Variants in GNA15 observed in about 807,000 individuals in gnomAD.
GNA15 encodes the protein G protein subunit alpha 15, also known as guanine nucleotide-binding protein subunit alpha-15.
GNA15 carries 23 observed loss-of-function variants against 40.1 expected under a neutral mutation model. That is an observed-to-expected ratio of 0.57 (90% CI 0.41 to 0.81). GNA15 has a LOEUF of 0.81. GNA15 is among the 40% of genes least tolerant of loss of function. The pLI is 0.00. For missense variants in GNA15, 522 were observed against 515.8 expected (o/e 1.01, Z -0.12); for synonymous variants, 226 against 210.4 (o/e 1.07, Z -0.64).
In GNA15 at chr19:3,155,934, G is replaced by C; in HGVS notation, c.726G>C (p.Leu242=). The C allele has an allele frequency of 1.2e-6, 2 of 1,613,872 alleles. No homozygotes were observed. Among genetic ancestry groups the C allele is most frequent in the Middle Eastern group, 1.7e-4 (1 of 6,060 alleles). ...LASLSEYDQC[L]EENNQENRMK... Reference sequence around the variant, plus strand: ...CACTGAGTGAATACGACCAGTGCCTGGAGGAGAACAACCAGGAGGTGCGCC... The same window carrying C: ...CACTGAGTGAATACGACCAGTGCCTCGAGGAGAACAACCAGGAGGTGCGCC... Residue 242 remains leucine, a synonymous_variant, in exon 5 of 7, where the codon CTG becomes CTC. Coordinates refer to ENST00000262958, the MANE Select transcript of GNA15 (RefSeq NM_002068.4). The surrounding 1 kb of genome is among the most constrained non-coding windows in gnomAD (Gnocchi z 5.6).
Position 3,148,607 on chromosome 19 carries a change from G to C in GNA15, c.162G>C (p.Gly54=). 3 of 1,582,846 alleles carry C rather than the reference G, an allele frequency of 1.9e-6. No homozygotes were observed. Among genetic ancestry groups the C allele is most frequent in the Admixed American group, 3.6e-5 (2 of 55,794 alleles). Residue 54 remains glycine, a synonymous_variant, in exon 2 of 7, where the codon GGG becomes GGC. Transcript: ENST00000262958. ...KLLLLGPGES[G]KSTFIKQMRI... is the part of the protein sequence containing the mutation. ...CATCCCCAGGCCCAGGCGAGAGCGG[G>C]AAGAGCACCTTCATCAAGCAGATGC...
intron 2 of GNA15, 34 bp from the exon 3 acceptor site, chr19:3,150,097 G>A: frequency 6.2e-7 from 1 of 1,601,098 alleles, no homozygotes. Context: ...CACTCAGAAA[G>A]GCTACCCTAA....
At chr19:3,156,160 C>CCA (rs1156475651) in intron 5 of GNA15, among the ~76,000 whole-genome samples, 5 of 107,656 alleles carry the variant, frequency 4.6e-5, no homozygotes, top group African/African-American at 1.9e-4. Flanking sequence ...GGTCAGGACC[C>CCA]CAGACACACA....
At chr19:3,153,547 GGATA>G (rs1914930545) in intron 4 of GNA15, among the ~76,000 whole-genome samples, 1 of 151,810 alleles carries the variant, frequency 6.6e-6, no homozygotes, top group Admixed American at 6.6e-5. Flanking sequence ...GTGGATAGAT[GGATA>G]GATGGGTGGA....
In GNA15 at chr19:3,136,777, GAAGCC is replaced by G. The variant is rs997460342; in HGVS notation, c.145+186_145+190del. On this transcript the variant is annotated intron_variant, in intron 1 of 6. Coordinates refer to ENST00000262958, the MANE Select transcript of GNA15 (RefSeq NM_002068.4). This position sits in a 1 kb window ranked among gnomAD's most constrained non-coding sequence, Gnocchi z 4.9. ...CAGATGAGAAAGACTGAGGTTCAGA[GAAGCC>G]AAGTTCCTTGTCCAACGTGCGACCA... Among the ~76,000 whole-genome samples, 106 of 152,366 alleles carry G rather than the reference GAAGCC, an allele frequency of 7.0e-4. No individual in the cohort carries two copies. The highest frequency in any genetic ancestry group is 2.5e-3 in the African/African-American group (104 of 41,590).
At chr19:3,138,966 G>C (rs10421293) in intron 1 of GNA15, among the ~76,000 whole-genome samples, 1 of 98,322 alleles carries the variant, frequency 1.0e-5, no homozygotes, top group African/African-American at 3.9e-5. Flanking sequence ...TTTTTTTTTA[G>C]ATTGAGTCTT....
rs116448316 is a variant in GNA15 at position 3,145,885 on chromosome 19, A to G, written c.146-2706A>G. 1.9e-3 allele frequency among the ~76,000 whole-genome samples: 288 copies of G among 151,744 alleles called. 1 individual carries two copies. Among genetic ancestry groups the G allele is most frequent in the African/African-American group, 6.8e-3 (280 of 41,408 alleles). On this transcript the variant is annotated intron_variant, in intron 1 of 6. Transcript: ENST00000262958. ...TTTCTTGACTTTGAGCCAAATAGAC[A>G]TGACCCCTGGAGAAACTGAGGACTG...
chr19:3,162,434 G>A lies in GNA15; in HGVS notation c.899-359G>A, dbSNP rs114229799. On this transcript the variant is annotated intron_variant, in intron 6 of 6. Transcript: ENST00000262958. ...CTTCCCCTCGTTTGGCCTTGATGCC[G>A]CCATCTTCACAGTCCTGGGATATTT... 9.4e-3 allele frequency among the ~76,000 whole-genome samples: 1,424 copies of A among 151,834 alleles called. 28 individuals carry two copies. The highest frequency in any genetic ancestry group is 0.033 in the African/African-American group (1,371 of 41,396).
chr19:3,158,357 T>A (rs1915076333), intron 6 of GNA15, among the ~76,000 whole-genome samples: 2 of 152,020 alleles, frequency 1.3e-5, no homozygotes, highest in Non-Finnish European at 2.9e-5. Context: ...TTTCACCATG[T>A]TGACCAGGAT....
At position 3,157,844 on chromosome 19, in the gene GNA15, C is replaced by A. The variant is rs770093189; in HGVS notation, c.861C>A (p.Pro287=). The change falls in exon 6 of 7, where the codon CCC becomes CCA. Residue 287 remains proline, a synonymous_variant. Transcript: ENST00000262958. ...NKTDILEEKI[P]TSHLATYFPS... ...CCGACATCCTGGAGGAGAAAATCCC[C>A]ACCTCCCACCTGGCTACCTATTTCC... The A allele has an allele frequency of 4.3e-6, 7 of 1,613,598 alleles. No individual in the cohort carries two copies. The highest frequency in any genetic ancestry group is 3.3e-5 in the Admixed American group (2 of 60,020).
Position 3,162,720 on chromosome 19 carries a change from G to C in GNA15, c.899-73G>C, listed in dbSNP as rs1055442912. 6.4e-6 allele frequency: 6 copies of C among 934,024 alleles called. No individual in the cohort carries two copies. In the African/African-American group the frequency reaches 8.1e-5, roughly 13 times the overall value. The allele number at this position is 934,024 out of a possible 1,614,324, so 57.9% of individuals were successfully genotyped here. ...GGGTCCCTTCAGTGCTGGTTACAGG[G>C]AAGAGGGTCTCCAGAGGCCCCCTGG... On this transcript the variant is annotated intron_variant, in intron 6 of 6. Coordinates refer to ENST00000262958, the MANE Select transcript of GNA15 (RefSeq NM_002068.4).
At chr19:3,158,650 C>T (rs575059648) in intron 6 of GNA15, among the ~76,000 whole-genome samples, 1 of 152,116 alleles carries the variant, frequency 6.6e-6, no homozygotes, top group Admixed American at 6.5e-5. Context: ...GAGACAGAGT[C>T]TCACTCTGTC....
Position 3,140,044 on chromosome 19 carries a change from AATCTATCTATCT to A in GNA15, c.145+3480_145+3491del, listed in dbSNP as rs59955919. Among the ~76,000 whole-genome samples the A allele has an allele frequency of 1.8e-3, 222 of 124,100 alleles. 1 individual carries two copies. The highest frequency in any genetic ancestry group is 0.014 in the East Asian group (66 of 4,594). 81.4% of individuals were successfully genotyped at this position (124,100 alleles called of 152,430 possible). On this transcript the variant is annotated intron_variant, in intron 1 of 6. Coordinates refer to ENST00000262958, the MANE Select transcript of GNA15 (RefSeq NM_002068.4). ...GTGAAACTCCATCTCAAAAAAAAAA[AATCTATCTATCT>A]ATCTATCTATCTATCTATCTATCTA...
At chr19:3,147,709 AC>A in intron 1 of GNA15, among the ~76,000 whole-genome samples, 1 of 151,830 alleles carries the variant, frequency 6.6e-6, no homozygotes. Flanking sequence ...CCACGGTGAA[AC>A]CCCGTCTCTA....
chr19:3,144,741 G>A (rs535982907), intron 1 of GNA15, among the ~76,000 whole-genome samples: 3 of 151,506 alleles, frequency 2.0e-5, no homozygotes, highest in Admixed American at 6.6e-5. Context: ...TGTTAGCCAG[G>A]ATGGTCTCGA....
At chr19:3,141,116 T>C (rs887921710) in intron 1 of GNA15, among the ~76,000 whole-genome samples, 7 of 151,984 alleles carry the variant, frequency 4.6e-5, no homozygotes, top group Non-Finnish European at 7.4e-5. Context: ...GGTGGGTCTG[T>C]CCCTGACATG....
At position 3,136,248 on chromosome 19, in the gene GNA15, G is replaced by A. The variant is rs1914454936; in HGVS notation, c.-203G>A. The A allele has an allele frequency of 7.1e-6, 4 of 566,488 alleles. No homozygotes were observed. In the Admixed American group the frequency reaches 1.3e-4, roughly 18 times the overall value. The allele number at this position is 566,488 out of a possible 1,614,324, so 35.1% of individuals were successfully genotyped here. A position where few individuals can be genotyped will look rare whatever the true frequency, so the allele number is the denominator to read the frequency against. ...TCCCCACCCTGTTCCCAGCACTCAA[G>A]CCTTGCCACCGCCGAGCCGGGCTTC... On this transcript the variant is annotated 5_prime_UTR_variant, in exon 1 of 7. Transcript: ENST00000262958. This position sits in a 1 kb window ranked among gnomAD's most constrained non-coding sequence, Gnocchi z 4.9.
chr19:3,143,583 G>A (rs1430116430), intron 1 of GNA15, among the ~76,000 whole-genome samples: 2 of 152,040 alleles, frequency 1.3e-5, no homozygotes, highest in Non-Finnish European at 2.9e-5. Flanking sequence ...AACCCATGAG[G>A]TGGAGGTTGC....
rs1915066345 is a variant in GNA15, at chr19:3,157,879, A to G, written c.896A>G (p.Gln299Arg). The G allele has an allele frequency of 1.2e-6, 2 of 1,611,716 alleles. No individual in the cohort carries two copies. Among genetic ancestry groups the G allele is most frequent in the African/African-American group, 2.7e-5 (2 of 75,014 alleles). The change falls in exon 6 of 7, where the codon CAG becomes CGG. Residue 299 changes from glutamine (Q) to arginine (R), a missense_variant and splice_region_variant. Physicochemically the swap from Gln to Arg is conservative, Grantham distance 43 (BLOSUM62 1). Transcript: ENST00000262958. ...SHLATYFPSF[Q>R]GPKQDAEAAK... ...CTGGCTACCTATTTCCCCAGTTTCC[A>G]GGGTAAGTAATTCTAGAACTTTCTA...
Sources: allele counts gnomAD v4.1 joint callset (sites outside exome capture counted in the v4.1 genomes callset), GRCh38; gene constraint gnomAD v4.1.1; non-coding constraint Gnocchi (gnomAD v3.1); transcripts MANE v1.5; gene names NCBI Gene and HGNC (gene_info 2026-07-23, HGNC 2026-07-21).